The following MARK2 variants were observed in gnomAD, a reference collection of about 807,000 sequenced individuals.
The protein encoded by MARK2 is serine/threonine-protein kinase MARK2.
Under a neutral mutation model 89.8 loss-of-function variants are expected in MARK2, and 16 were observed. That is an observed-to-expected ratio of 0.18 (90% CI 0.12 to 0.27). The LOEUF is 0.27. MARK2 is among the 10% of genes least tolerant of loss of function. MARK2 has a pLI of 1.00. For missense variants in MARK2, 621 were observed against 1,049.9 expected (o/e 0.59, Z 5.65); for synonymous variants, 382 against 399.5 (o/e 0.96, Z 0.52).
intron 3 of MARK2, 24 bp downstream of exon 3, chr11:63,895,657 CCTTTTTTTTTTTTT>C (rs1565134265): frequency 1.4e-6 from 2 of 1,420,768 alleles, no homozygotes; most frequent in Non-Finnish European, 9.6e-7. Flanking sequence ...ACCTCCTGTC[CCTTTTTTTTTTTTT>C]TTTTTTTTTT....
At position 63,903,225 on chromosome 11, in the gene MARK2, G is replaced by GCA; in HGVS notation, c.1514+68_1514+69dup. 8.2e-7 allele frequency: 1 copy of GCA among 1,216,440 alleles called. No individual in the cohort carries two copies. 75.4% of individuals were successfully genotyped at this position (1,216,440 alleles called of 1,614,324 possible). A position where few individuals can be genotyped will look rare whatever the true frequency, so the allele number is the denominator to read the frequency against. On this transcript the variant is annotated intron_variant, in intron 14 of 18. Coordinates refer to ENST00000402010, the MANE Select transcript of MARK2 (RefSeq NM_001039469.3). The surrounding 1 kb of genome is among the most constrained non-coding windows in gnomAD (Gnocchi z 5.1). ...ATGTCTCACAGGGTGATGTCTGTCA[G>GCA]CAGCACCGTCTCCTGTCCCTGCCAG...
chr11:63,893,430 G>A lies in MARK2; in HGVS notation c.55-1729G>A, dbSNP rs549430991. ...ATATTCCCCGGTAAGGATATGCTAC[G>A]TTTGTCTATCCGTTCATCCAGCTGA... On this transcript the variant is annotated intron_variant, in intron 1 of 18. Transcript: ENST00000402010. Among the ~76,000 whole-genome samples the A allele has an allele frequency of 2.2e-4, 13 of 58,514 alleles. No homozygotes were observed. The South Asian group carries it at 5.4e-3, about 24-fold the overall frequency. The allele number at this position is 58,514 out of a possible 152,430, so 38.4% of individuals were successfully genotyped here. A position where few individuals can be genotyped will look rare whatever the true frequency, so the allele number is the denominator to read the frequency against.
chr11:63,872,495 T>C (rs1938507195), intron 1 of MARK2, among the ~76,000 whole-genome samples: 3 of 152,190 alleles, frequency 2.0e-5, no homozygotes, highest in Non-Finnish European at 2.9e-5. Flanking sequence ...TCTGACTCCA[T>C]AGGCTGTCGT....
intron 1 of MARK2, among the ~76,000 whole-genome samples, chr11:63,845,278 C>T (rs1447860837): frequency 1.3e-5 from 2 of 152,102 alleles, no homozygotes; most frequent in African/African-American, 2.4e-5. Context: ...CTCTTTTAGC[C>T]ATGGTGGGGC....
chr11:63,886,053 C>T (rs57219930), intron 1 of MARK2, among the ~76,000 whole-genome samples: 15,597 of 151,336 alleles, frequency 0.1, 2,663 homozygotes, highest in African/African-American at 0.35. Flanking sequence ...TACTTGAACC[C>T]GGGAAGCAGA....
chr11:63,883,345 G>A (rs1486699410), intron 1 of MARK2, among the ~76,000 whole-genome samples: 1 of 152,134 alleles, frequency 6.6e-6, no homozygotes, highest in Non-Finnish European at 1.5e-5. Context: ...GCCCAGCCAT[G>A]GCAGAATTTG....
At chr11:63,854,850 A>G (rs2135220728) in intron 1 of MARK2, among the ~76,000 whole-genome samples, 1 of 152,102 alleles carries the variant, frequency 6.6e-6, no homozygotes, top group South Asian at 2.1e-4. Flanking sequence ...CAAGTGAGGA[A>G]ATACAAAGTA....
rs543319947 is a variant in MARK2, at chr11:63,910,305, G to A, written c.*1068G>A. The A allele has an allele frequency of 6.6e-5, 10 of 152,526 alleles. No individual in the cohort carries two copies. The highest frequency in any genetic ancestry group is 1.9e-4 in the African/African-American group (8 of 41,560). The allele number at this position is 152,526 out of a possible 1,614,324, so 9.4% of individuals were successfully genotyped here. A position where few individuals can be genotyped will look rare whatever the true frequency, so the allele number is the denominator to read the frequency against. On this transcript the variant is annotated 3_prime_UTR_variant, in exon 19 of 19. Transcript: ENST00000402010. ...CTTCCCTCACCACTCTCATCTCTCA[G>A]CCTTGCCTTTTCTTCCTGACACTGT...
Position 63,902,054 on chromosome 11 carries a change from A to G in MARK2, c.1102-144A>G. ...GTCTCCAGGGTCTCCTCCAGGGGGGATGTATTGGTCTTACAAGTGGATGTC... is the reference window on the plus strand; with the variant it reads ...GTCTCCAGGGTCTCCTCCAGGGGGGGTGTATTGGTCTTACAAGTGGATGTC... On this transcript the variant is annotated intron_variant, in intron 11 of 18. Coordinates refer to ENST00000402010, the MANE Select transcript of MARK2 (RefSeq NM_001039469.3). The surrounding 1 kb of genome is among the most constrained non-coding windows in gnomAD (Gnocchi z 4.2). 1 of 748,982 alleles carries G rather than the reference A, an allele frequency of 1.3e-6. No homozygotes were observed. Among genetic ancestry groups the G allele is most frequent in the Non-Finnish European group, 2.2e-6 (1 of 462,910 alleles). The allele number at this position is 748,982 out of a possible 1,614,324, so 46.4% of individuals were successfully genotyped here. A position where few individuals can be genotyped will look rare whatever the true frequency, so the allele number is the denominator to read the frequency against.
rs558278127 is a variant in MARK2, at chr11:63,910,023, T to A, written c.*786T>A. ...TGGGGACGTGTGTTCCCTCAAAGTC[T>A]GTGCCATCTTCTCCCACCCCTCCCG... On this transcript the variant is annotated 3_prime_UTR_variant, in exon 19 of 19. Transcript: ENST00000402010. The A allele has an allele frequency of 1.3e-5, 2 of 152,524 alleles. No individual in the cohort carries two copies. Among genetic ancestry groups the A allele is most frequent in the East Asian group, 3.9e-4 (2 of 5,190 alleles). The allele number at this position is 152,524 out of a possible 1,614,324, so 9.4% of individuals were successfully genotyped here.
At chr11:63,840,822 C>T (rs1003844086) in intron 1 of MARK2, among the ~76,000 whole-genome samples, 1 of 152,096 alleles carries the variant, frequency 6.6e-6, no homozygotes, top group Non-Finnish European at 1.5e-5. Context: ...TCTTGAGCTA[C>T]ACCTCAGCCT....
At chr11:63,871,858 T>C (rs1486990664) in intron 1 of MARK2, among the ~76,000 whole-genome samples, 2 of 145,726 alleles carry the variant, frequency 1.4e-5, no homozygotes, top group Non-Finnish European at 3.0e-5. Context: ...GAGTATTCAC[T>C]GTGTGCAGGT....
At chr11:63,895,662 T>C in intron 3 of MARK2, 29 bp downstream of exon 3, 1 of 215,202 alleles carries the variant, frequency 4.6e-6, no homozygotes, top group Non-Finnish European at 6.8e-6. Context: ...CTGTCCCTTT[T>C]TTTTTTTTTT....
intron 1 of MARK2, among the ~76,000 whole-genome samples, chr11:63,857,307 T>G (rs372671676): frequency 5.9e-5 from 9 of 152,224 alleles, no homozygotes; most frequent in African/African-American, 2.2e-4. Flanking sequence ...GCTGGGATTA[T>G]AGGCACTTGC....
At chr11:63,890,141 T>C in intron 1 of MARK2, 2 of 880,412 alleles carry the variant, frequency 2.3e-6, no homozygotes, top group Non-Finnish European at 3.3e-6. Context: ...GTTGCCTCAC[T>C]TGGGGCCTTG....
chr11:63,898,213 C>T lies in MARK2; in HGVS notation c.289-19C>T, dbSNP rs1454316700. 6.2e-7 allele frequency: 1 copy of T among 1,612,216 alleles called. No individual in the cohort carries two copies. Among genetic ancestry groups the T allele is most frequent in the East Asian group, 2.2e-5 (1 of 44,876 alleles). ...GGAGCAAGTTGGGCAGGCATGACCC[C>T]TGGTATTTTATCTTCCAGCTATTCC... On this transcript the variant is annotated intron_variant, in intron 3 of 18. Transcript: ENST00000402010.
chr11:63,865,197 T>C (rs1196360785), intron 1 of MARK2, among the ~76,000 whole-genome samples: 2 of 152,234 alleles, frequency 1.3e-5, no homozygotes, highest in Non-Finnish European at 2.9e-5. Context: ...AGCCCAGTTA[T>C]GTAGTTATGT....
At chr11:63,857,255 C>T (rs777203110) in intron 1 of MARK2, among the ~76,000 whole-genome samples, 3 of 152,212 alleles carry the variant, frequency 2.0e-5, no homozygotes, top group African/African-American at 7.2e-5. Context: ...CAACTTCCAC[C>T]TCCCAGGTTC....
chr11:63,865,243 G>A (rs1938063319), intron 1 of MARK2, among the ~76,000 whole-genome samples: 1 of 151,992 alleles, frequency 6.6e-6, no homozygotes, highest in Non-Finnish European at 1.5e-5. Flanking sequence ...CATCTCTTTG[G>A]TGTTTGTTTG....
Sources: allele counts gnomAD v4.1 joint callset (sites outside exome capture counted in the v4.1 genomes callset), GRCh38; gene constraint gnomAD v4.1.1; non-coding constraint Gnocchi (gnomAD v3.1); transcripts MANE v1.5; gene names NCBI Gene and HGNC (gene_info 2026-07-23, HGNC 2026-07-21).